HEATR4: variants seen among roughly 807,000 people sequenced by gnomAD.
The protein encoded by HEATR4 is HEAT repeat containing 4.
HEATR4 carries 95 observed loss-of-function variants against 108.8 expected under a neutral mutation model. The ratio of observed to expected loss-of-function variants is 0.87; its 90% CI spans 0.74 to 1.04. HEATR4 has a LOEUF of 1.04. Among genes scored for constraint, HEATR4 ranks in the 50% least tolerant of loss-of-function variants. The probability of loss-of-function intolerance (pLI) is 0.00; values close to 1 mark genes in which losing one functional copy is unlikely to be tolerated. For synonymous variants in HEATR4, 443 were observed against 459.4 expected (o/e 0.96, Z 0.46); for missense variants, 1,152 against 1,253.8 (o/e 0.92, Z 1.23).
the HEATR4 span, among the ~76,000 whole-genome samples, chr14:73,589,784 G>A: frequency 7.9e-5 from 12 of 152,294 alleles, no homozygotes; most frequent in African/African-American, 1.9e-4. Flanking sequence ...GTTCTTAAAG[G>A]CAGCGTGTCT....
At chr14:73,602,834 C>A in the HEATR4 span, among the ~76,000 whole-genome samples, 1 of 152,202 alleles carries the variant, frequency 6.6e-6, no homozygotes, top group South Asian at 2.1e-4. Flanking sequence ...ATCCTGTTTA[C>A]CTCTCTTTTA....
At chr14:73,594,512 C>T in the HEATR4 span, among the ~76,000 whole-genome samples, 3 of 152,082 alleles carry the variant, frequency 2.0e-5, no homozygotes, top group African/African-American at 7.2e-5. Flanking sequence ...CCAAGTTTTT[C>T]AGTGATTTTA....
chr14:73,533,307 C>T (rs1888765561), intron 1 of HEATR4, among the ~76,000 whole-genome samples: 1 of 115,236 alleles, frequency 8.7e-6, no homozygotes, highest in African/African-American at 2.8e-5. Context: ...GTGGAAAGAA[C>T]CCAAATGTCC....
chr14:73,569,403 C>T, the HEATR4 span: 3 of 1,613,988 alleles, frequency 1.9e-6, no homozygotes, highest in Non-Finnish European at 2.5e-6. Flanking sequence ...GCAGGTTGGT[C>T]AGATCATTAG....
the HEATR4 span, among the ~76,000 whole-genome samples, chr14:73,605,556 C>CTTTTTTTTTTTTTTTTTTTTTT: frequency 3.5e-5 from 2 of 56,912 alleles, no homozygotes; most frequent in Non-Finnish European, 7.4e-5. Flanking sequence ...CTGTAAGATT[C>CTTTTTTTTTTTTTTTTTTTTTT]TTTTTTTTTT....
intron 17 of HEATR4, among the ~76,000 whole-genome samples, chr14:73,483,012 G>A (rs773647292): frequency 1.3e-5 from 2 of 152,142 alleles, no homozygotes; most frequent in African/African-American, 2.4e-5. Context: ...AGGAAGTAAG[G>A]GGATCTAGGA....
At chr14:73,592,746 G>C in the HEATR4 span, among the ~76,000 whole-genome samples, 1 of 152,034 alleles carries the variant, frequency 6.6e-6, no homozygotes, top group East Asian at 1.9e-4. Flanking sequence ...CCAGCCACTC[G>C]GGAGGCTGAG....
At chr14:73,551,941 G>A (rs1889331608) in intron 1 of HEATR4, among the ~76,000 whole-genome samples, 1 of 112,730 alleles carries the variant, frequency 8.9e-6, no homozygotes, top group Non-Finnish European at 1.9e-5. Flanking sequence ...ACTTCCGAAA[G>A]GTAAAGAGAG....
chr14:73,613,026 CG>C, the HEATR4 span: 1 of 836,728 alleles, frequency 1.2e-6, no homozygotes, highest in Non-Finnish European at 1.7e-6. Context: ...TTCCTGCCGC[CG>C]GATGAGTAGT....
At chr14:73,561,116 A>G (rs1255326048), upstream of HEATR4, among the ~76,000 whole-genome samples, 1 of 152,156 alleles carries the variant, frequency 6.6e-6, no homozygotes, top group Non-Finnish European at 1.5e-5. Context: ...CTGTAATCCC[A>G]GCACTTTGGG....
At chr14:73,560,774 A>C (rs1312475807), upstream of HEATR4, among the ~76,000 whole-genome samples, 3 of 152,012 alleles carry the variant, frequency 2.0e-5, no homozygotes, top group Non-Finnish European at 4.4e-5. Flanking sequence ...CTATGATGGC[A>C]CTACTGCACC....
chr14:73,593,930 C>T, the HEATR4 span: 27 of 1,579,894 alleles, frequency 1.7e-5, no homozygotes, highest in Non-Finnish European at 2.3e-5. Flanking sequence ...TTTATTTAAT[C>T]AGTCTCTCTA....
chr14:73,554,955 T>A lies in HEATR4; in HGVS notation c.-152+3796A>T. Among the ~76,000 whole-genome samples, 2 of 113,684 alleles carry A rather than the reference T, an allele frequency of 1.8e-5. 1 individual carries two copies. The allele number at this position is 113,684 out of a possible 152,430, so 74.6% of individuals were successfully genotyped here. A position where few individuals can be genotyped will look rare whatever the true frequency, so the allele number is the denominator to read the frequency against. Reference sequence around the variant, plus strand: ...GCATGGTCTACAATTGCTTGTCAAATTCTGAAGCTATGAAGAATAAATGTT... The same window carrying A: ...GCATGGTCTACAATTGCTTGTCAAAATCTGAAGCTATGAAGAATAAATGTT... On this transcript the variant is annotated intron_variant, in intron 1 of 17. Transcript: ENST00000553558.
At chr14:73,499,349 C>T (rs1886289132) in intron 12 of HEATR4, among the ~76,000 whole-genome samples, 1 of 152,108 alleles carries the variant, frequency 6.6e-6, no homozygotes, top group Non-Finnish European at 1.5e-5. Flanking sequence ...GGCATGGTGT[C>T]ACACGCCTGT....
intron 2 of HEATR4, among the ~76,000 whole-genome samples, chr14:73,526,136 G>A (rs1396355949): frequency 1.3e-5 from 2 of 152,136 alleles, no homozygotes; most frequent in Non-Finnish European, 2.9e-5. Context: ...TGCATGTGGT[G>A]GAGCGAGAGG....
chr14:73,507,376 C>T (rs569248006), intron 9 of HEATR4, among the ~76,000 whole-genome samples: 2 of 152,088 alleles, frequency 1.3e-5, no homozygotes, highest in Non-Finnish European at 2.9e-5. Context: ...GCTTATTCTA[C>T]GTTTACTTAT....
chr14:73,578,231 CTTT>C, the HEATR4 span, among the ~76,000 whole-genome samples: 4 of 139,328 alleles, frequency 2.9e-5, no homozygotes, highest in Non-Finnish European at 3.1e-5. Flanking sequence ...GACATTTCAT[CTTT>C]TTTTTTTTTT....
At chr14:73,590,572 G>A in the HEATR4 span, among the ~76,000 whole-genome samples, 2 of 152,082 alleles carry the variant, frequency 1.3e-5, no homozygotes, top group Non-Finnish European at 2.9e-5. Flanking sequence ...AGAAGCTCAC[G>A]GCGGGGGCGG....
At chr14:73,495,192 G>A (rs1223833714) in intron 16 of HEATR4, 36 bp downstream of exon 16, 1 of 1,584,756 alleles carries the variant, frequency 6.3e-7, no homozygotes, top group Admixed American at 1.8e-5. Context: ...CTTATTAAAG[G>A]AATCAAGGCA....
Sources: gnomAD v4.1 joint callset for allele counts (sites outside exome capture counted in the v4.1 genomes callset) on GRCh38, gnomAD v4.1.1 for gene constraint, MANE v1.5 for transcripts, NCBI Gene and HGNC (gene_info 2026-07-23, HGNC 2026-07-21) for gene names.